Variants in PDE11A observed in about 807,000 individuals in gnomAD.
PDE11A encodes the protein phosphodiesterase 11A, also known as dual 3',5'-cyclic-AMP and -GMP phosphodiesterase 11A.
In PDE11A, 100 loss-of-function variants were observed where a neutral mutation model predicts 100.5. The observed-to-expected ratio is 1.00, with a 90% confidence interval of 0.85 to 1.18. The LOEUF is 1.18. Among genes scored for constraint, PDE11A ranks in the 50% most tolerant of loss-of-function variants. The probability of loss-of-function intolerance (pLI) is 0.00; values close to 1 mark genes in which losing one functional copy is unlikely to be tolerated. For synonymous variants in PDE11A, 381 were observed against 420.8 expected (o/e 0.91, Z 1.16); for missense variants, 1,141 against 1,152.6 (o/e 0.99, Z 0.15).
At chr2:177,877,780 A>C (rs72948847) in intron 4 of PDE11A, among the ~76,000 whole-genome samples, 187 of 152,190 alleles carry the variant, frequency 1.2e-3, no homozygotes, top group Non-Finnish European at 2.2e-3. Flanking sequence ...TCCTTTTCTG[A>C]GCCCCAATAC....
At chr2:177,842,773 T>C (rs1468067713) in intron 5 of PDE11A, among the ~76,000 whole-genome samples, 1 of 152,196 alleles carries the variant, frequency 6.6e-6, no homozygotes, top group African/African-American at 2.4e-5. Context: ...TACATTTTGT[T>C]CCCGACTGCC....
At chr2:177,729,217 T>C (rs1480837324) in intron 10 of PDE11A, among the ~76,000 whole-genome samples, 2 of 152,154 alleles carry the variant, frequency 1.3e-5, no homozygotes, top group Non-Finnish European at 2.9e-5. Flanking sequence ...AGTTTTTCCA[T>C]GTACTTGCAA....
In PDE11A at chr2:177,750,857, C is replaced by T. The variant is rs536656909; in HGVS notation, c.1788+18466G>A. Reference sequence around the variant, plus strand: ...CTGTGGAGCAGTGTTCTATGAGATACCAGTTTGGGAAATATTAGCTAGACC... The same window carrying T: ...CTGTGGAGCAGTGTTCTATGAGATATCAGTTTGGGAAATATTAGCTAGACC... On this transcript the variant is annotated intron_variant, in intron 10 of 19. Coordinates refer to ENST00000286063, the MANE Select transcript of PDE11A (RefSeq NM_016953.4). Among the ~76,000 whole-genome samples, 15 of 152,244 alleles carry T rather than the reference C, an allele frequency of 9.9e-5. No homozygotes were observed. In the South Asian group the frequency reaches 3.1e-3, roughly 32 times the overall value.
chr2:177,990,699 T>C lies in PDE11A; in HGVS notation c.1071+23603A>G, dbSNP rs187199821. 1.1e-3 allele frequency among the ~76,000 whole-genome samples: 159 copies of C among 149,594 alleles called. 1 individual carries two copies. The highest frequency in any genetic ancestry group is 3.7e-3 in the African/African-American group (152 of 40,536). On this transcript the variant is annotated intron_variant, in intron 2 of 19. Coordinates refer to ENST00000286063, the MANE Select transcript of PDE11A (RefSeq NM_016953.4). ...GTTGCAGTGAGCTGAGATCGCACCA[T>C]TGCACTCCAGCCTGGGTGACAGAGC...
chr2:177,786,819 G>A (rs1242105852), intron 9 of PDE11A, among the ~76,000 whole-genome samples: 11 of 152,176 alleles, frequency 7.2e-5, no homozygotes, highest in East Asian at 1.9e-4. Flanking sequence ...AAAATGAAGC[G>A]AGAAGGGAAG....
At chr2:177,640,911 A>G (rs1008254634) in intron 19 of PDE11A, among the ~76,000 whole-genome samples, 1 of 152,086 alleles carries the variant, frequency 6.6e-6, no homozygotes, top group African/African-American at 2.4e-5. Context: ...CTTACATCCA[A>G]TCTGTCACAA....
chr2:178,045,487 T>C (rs1035304741), intron 1 of PDE11A, among the ~76,000 whole-genome samples: 2 of 152,242 alleles, frequency 1.3e-5, no homozygotes, highest in Non-Finnish European at 1.5e-5. Flanking sequence ...TTGAACAGAC[T>C]GCCACTCATT....
At chr2:177,964,030 T>C (rs1309212752) in intron 2 of PDE11A, among the ~76,000 whole-genome samples, 1 of 152,226 alleles carries the variant, frequency 6.6e-6, no homozygotes, top group Admixed American at 6.5e-5. Context: ...TCCTCAATAA[T>C]GGCTGTTTTT....
intron 5 of PDE11A, among the ~76,000 whole-genome samples, chr2:177,845,387 C>A (rs1331616677): frequency 6.0e-5 from 9 of 151,058 alleles, no homozygotes; most frequent in African/African-American, 2.2e-4. Flanking sequence ...CCTCACATCC[C>A]AGACGGGGCA....
chr2:177,699,753 T>A (rs1463136008), intron 14 of PDE11A, among the ~76,000 whole-genome samples: 3 of 152,210 alleles, frequency 2.0e-5, no homozygotes, highest in East Asian at 3.8e-4. Context: ...GCCTTTCTGA[T>A]GGGCAGGACC....
chr2:177,833,163 C>T (rs376749438), intron 6 of PDE11A, among the ~76,000 whole-genome samples: 1 of 152,124 alleles, frequency 6.6e-6, no homozygotes, highest in Non-Finnish European at 1.5e-5. Context: ...CACAGCCAGC[C>T]CCCACATTTA....
At position 177,624,954 on chromosome 2, in the gene PDE11A, C is replaced by G. The variant is rs1390342776; in HGVS notation, c.*4453G>C. On this transcript the variant is annotated 3_prime_UTR_variant, in exon 20 of 20. Transcript: ENST00000286063. ...GTGTGGTGGTGCACACCTGTGGTCC[C>G]AGCTACTCATGAGGCTGAGGCAGGA... 1 of 152,300 alleles carries G rather than the reference C, an allele frequency of 6.6e-6. No individual in the cohort carries two copies. Among genetic ancestry groups the G allele is most frequent in the Admixed American group, 6.5e-5 (1 of 15,282 alleles). 9.4% of individuals were successfully genotyped at this position (152,300 alleles called of 1,614,324 possible).
intron 2 of PDE11A, among the ~76,000 whole-genome samples, chr2:178,094,564 A>G (rs893128778): frequency 1.3e-5 from 2 of 152,166 alleles, no homozygotes; most frequent in Admixed American, 1.3e-4. Context: ...AATGAAAAAT[A>G]CACATCTGAA....
At chr2:177,771,212 C>G (rs1380040419) in intron 9 of PDE11A, among the ~76,000 whole-genome samples, 1 of 152,238 alleles carries the variant, frequency 6.6e-6, no homozygotes, top group Non-Finnish European at 1.5e-5. Flanking sequence ...TAGAGAATCA[C>G]AGTGCATATT....
At chr2:177,724,875 G>C (rs77301391) in intron 12 of PDE11A, among the ~76,000 whole-genome samples, 1 of 152,032 alleles carries the variant, frequency 6.6e-6, no homozygotes, top group Admixed American at 6.6e-5. Flanking sequence ...GGAAGCCTCA[G>C]CACACACACG....
At chr2:177,672,546 C>T (rs1250485198) in intron 17 of PDE11A, among the ~76,000 whole-genome samples, 1 of 151,992 alleles carries the variant, frequency 6.6e-6, no homozygotes, top group Non-Finnish European at 1.5e-5. Flanking sequence ...AGTGAGGAGG[C>T]TATAAGGATG....
chr2:177,895,417 CG>C (rs2084595928), intron 4 of PDE11A, among the ~76,000 whole-genome samples: 3 of 151,778 alleles, frequency 2.0e-5, no homozygotes, highest in Admixed American at 2.0e-4. Context: ...AGCTGGGTAT[CG>C]TGGTGGGTGC....
chr2:177,841,228 G>A (rs1441008255), intron 5 of PDE11A, among the ~76,000 whole-genome samples: 1 of 151,912 alleles, frequency 6.6e-6, no homozygotes, highest in Non-Finnish European at 1.5e-5. Flanking sequence ...AGTATATATT[G>A]AGCACTGCCA....
chr2:178,094,167 C>G (rs2087459036), intron 2 of PDE11A, among the ~76,000 whole-genome samples: 1 of 151,996 alleles, frequency 6.6e-6, no homozygotes, highest in South Asian at 2.1e-4. Context: ...ACAATACACA[C>G]AATACACACA....
Sources: gnomAD v4.1 joint callset for allele counts (sites outside exome capture counted in the v4.1 genomes callset) on GRCh38, gnomAD v4.1.1 for gene constraint, MANE v1.5 for transcripts, NCBI Gene and HGNC (gene_info 2026-07-23, HGNC 2026-07-21) for gene names.